Variants in VPS13B observed in about 807,000 individuals in gnomAD.
VPS13B encodes the protein vacuolar protein sorting 13 homolog B.
In VPS13B, 285 loss-of-function variants were observed where a neutral mutation model predicts 426.4. The observed-to-expected ratio is 0.67, with a 90% confidence interval of 0.61 to 0.74. The LOEUF (loss-of-function observed/expected upper bound fraction) is 0.74. Among genes scored for constraint, VPS13B ranks in the 30% least tolerant of loss-of-function variants. The probability of loss-of-function intolerance (pLI) is 0.00; values close to 1 mark genes in which losing one functional copy is unlikely to be tolerated. For synonymous variants in VPS13B, 1,676 were observed against 1,676.4 expected (o/e 1.00, Z 0.01); for missense variants, 4,537 against 4,782.6 (o/e 0.95, Z 1.51).
At chr8:99,471,280 G>C (rs1819390111) in intron 24 of VPS13B, among the ~76,000 whole-genome samples, 1 of 152,088 alleles carries the variant, frequency 6.6e-6, no homozygotes, top group African/African-American at 2.4e-5. Flanking sequence ...AAATATGTGT[G>C]ACTCTTGAAA....
chr8:99,367,850 C>T (rs948900383), intron 19 of VPS13B, among the ~76,000 whole-genome samples: 10 of 152,056 alleles, frequency 6.6e-5, no homozygotes, highest in Non-Finnish European at 1.5e-4. Context: ...GACAGGGTTT[C>T]GCCATGTTGG....
chr8:99,435,956 GA>G (rs1817348691), intron 22 of VPS13B, among the ~76,000 whole-genome samples: 1 of 152,216 alleles, frequency 6.6e-6, no homozygotes, highest in African/African-American at 2.4e-5. Flanking sequence ...GTTATCTGCA[GA>G]TGGTTTTCAA....
intron 19 of VPS13B, among the ~76,000 whole-genome samples, chr8:99,354,027 CCTT>C (rs1457171668): frequency 1.6e-4 from 25 of 151,868 alleles, no homozygotes; most frequent in Admixed American, 1.6e-3. Context: ...GTTGTATTAC[CCTT>C]CTTGTTATAA....
Position 99,384,317 on chromosome 8 carries a change from GGT to G in VPS13B, c.2934+1_2934+2del, listed in dbSNP as rs180177358. 5 of 1,609,510 alleles carry G rather than the reference GGT, an allele frequency of 3.1e-6. No homozygotes were observed. The highest frequency in any genetic ancestry group is 1.3e-5 in the African/African-American group (1 of 74,906). On this transcript the variant is annotated splice_donor_variant, in intron 20 of 61. Coordinates refer to ENST00000357162, the MANE Select transcript of VPS13B (RefSeq NM_152564.5). LOFTEE classifies it high-confidence loss of function. ...AACGAACAAGTAGACATATGCAACAGGTAAGAGATTTTTAAATAATTTTTTCT... is the reference window on the plus strand; with the variant it reads ...AACGAACAAGTAGACATATGCAACAGAAGAGATTTTTAAATAATTTTTTCT...
intron 16 of VPS13B, among the ~76,000 whole-genome samples, chr8:99,182,691 GAGA>G (rs923009229): frequency 1.3e-5 from 2 of 152,132 alleles, no homozygotes; most frequent in Admixed American, 1.3e-4. Context: ...TTCACCTGTG[GAGA>G]AGGAGTTACA....
chr8:99,808,295 C>G (rs760361572), intron 43 of VPS13B, among the ~76,000 whole-genome samples: 3 of 151,956 alleles, frequency 2.0e-5, no homozygotes, highest in Non-Finnish European at 4.4e-5. Context: ...CCGAGGCAAG[C>G]GATCTTGAGG....
Position 99,770,921 on chromosome 8 carries a change from C to T in VPS13B, c.7247+3951C>T, listed in dbSNP as rs543468420. On this transcript the variant is annotated intron_variant, in intron 40 of 61. Coordinates refer to ENST00000357162, the MANE Select transcript of VPS13B (RefSeq NM_152564.5). ...TGGCAGCTTCTTACCAGGTGACTAA[C>T]CCTGCGAGGAACAAAAGGGAAAAGG... Among the ~76,000 whole-genome samples, 30 of 152,302 alleles carry T rather than the reference C, an allele frequency of 2.0e-4. 2 individuals are homozygous for T. The highest frequency in any genetic ancestry group is 3.4e-3 in the Middle Eastern group (1 of 294).
chr8:99,497,310 T>C (rs1820975869), intron 25 of VPS13B, among the ~76,000 whole-genome samples: 1 of 145,404 alleles, frequency 6.9e-6, no homozygotes, highest in African/African-American at 2.5e-5. Flanking sequence ...ATACATAAAA[T>C]AATATGTATA....
At chr8:99,125,359 C>G (rs1410460956) in intron 8 of VPS13B, among the ~76,000 whole-genome samples, 2 of 152,200 alleles carry the variant, frequency 1.3e-5, no homozygotes. Context: ...CTAGTCCTTC[C>G]ACATTCTTCT....
chr8:99,817,816 G>T lies in VPS13B; in HGVS notation c.8361+13G>T, dbSNP rs757732868. On this transcript the variant is annotated intron_variant, in intron 45 of 61. Coordinates refer to ENST00000357162, the MANE Select transcript of VPS13B (RefSeq NM_152564.5). ...CATTGTCATTCAGGTTTGAAAAGACGTTCAATCTAGAATAGAGCAGCTTTA... is the reference window on the plus strand; with the variant it reads ...CATTGTCATTCAGGTTTGAAAAGACTTTCAATCTAGAATAGAGCAGCTTTA... 1.2e-6 allele frequency: 2 copies of T among 1,613,856 alleles called. No homozygotes were observed. The highest frequency in any genetic ancestry group is 2.7e-5 in the African/African-American group (2 of 74,906).
At chr8:99,097,613 G>A (rs1246979808) in intron 4 of VPS13B, among the ~76,000 whole-genome samples, 1 of 152,038 alleles carries the variant, frequency 6.6e-6, no homozygotes, top group Non-Finnish European at 1.5e-5. Flanking sequence ...ACATGAAACA[G>A]AGGCAAGACA....
chr8:99,031,668 T>C (rs1563494602), intron 2 of VPS13B, among the ~76,000 whole-genome samples: 1 of 152,216 alleles, frequency 6.6e-6, no homozygotes, highest in African/African-American at 2.4e-5. Flanking sequence ...GTCATCAATA[T>C]CAGCATTTTC....
intron 2 of VPS13B, among the ~76,000 whole-genome samples, chr8:99,034,293 T>C (rs1842642393): frequency 6.6e-6 from 1 of 152,232 alleles, no homozygotes; most frequent in Non-Finnish European, 1.5e-5. Context: ...TATAACTTAG[T>C]CATCAGCCAG....
rs376308074 is a variant in VPS13B at position 99,861,845 on chromosome 8, A to T, written c.11114A>T (p.Glu3705Val). ...ARNMDRLSLDEEHYNRQEEWR... is the reference protein window; with the variant it reads ...ARNMDRLSLDVEHYNRQEEWR... ...AACATGGACCGGCTCTCACTGGATGAGGAGCACTACAACCGGCAGGAGGAG... is the reference window on the plus strand; with the variant it reads ...AACATGGACCGGCTCTCACTGGATGTGGAGCACTACAACCGGCAGGAGGAG... The change falls in exon 58 of 62, where the codon GAG becomes GTG. Residue 3705 changes from glutamate (E) to valine (V), a missense_variant. Physicochemically the swap from Glu to Val is moderately radical, Grantham distance 121. Coordinates refer to ENST00000357162, the MANE Select transcript of VPS13B (RefSeq NM_152564.5). The T allele has an allele frequency of 4.9e-5, 78 of 1,601,096 alleles. No homozygotes were observed. The African/African-American group carries it at 9.7e-4, about 20-fold the overall frequency.
Position 99,465,329 on chromosome 8 carries a change from A to G in VPS13B, c.3446-2085A>G, listed in dbSNP as rs948926666. Reference sequence around the variant, plus strand: ...TTTTGTCATTGCATGTTAAAATTTCATCTTCTAGGTATAGTGTGCTTTTTA... The same window carrying G: ...TTTTGTCATTGCATGTTAAAATTTCGTCTTCTAGGTATAGTGTGCTTTTTA... On this transcript the variant is annotated intron_variant, in intron 23 of 61. Transcript: ENST00000357162. Among the ~76,000 whole-genome samples the G allele has an allele frequency of 2.6e-5, 4 of 151,752 alleles. No homozygotes were observed. In the East Asian group the frequency reaches 7.7e-4, roughly 29 times the overall value.
intron 34 of VPS13B, among the ~76,000 whole-genome samples, chr8:99,654,211 G>A (rs1023109415): frequency 2.6e-5 from 4 of 151,904 alleles, no homozygotes; most frequent in Non-Finnish European, 2.9e-5. Context: ...ACCACGCCCG[G>A]CTAATTTTTT....
At chr8:99,851,621 C>T (rs1816300026) in intron 55 of VPS13B, among the ~76,000 whole-genome samples, 1 of 152,058 alleles carries the variant, frequency 6.6e-6, no homozygotes, top group African/African-American at 2.4e-5. Context: ...GGAAGAACTT[C>T]CCAGGCAGAG....
At chr8:99,293,318 C>T (rs557680666) in intron 19 of VPS13B, among the ~76,000 whole-genome samples, 1 of 114,808 alleles carries the variant, frequency 8.7e-6, no homozygotes, top group South Asian at 3.4e-4. Context: ...ATAAATGGTG[C>T]TGGGAAAACT....
At chr8:99,639,649 T>C (rs1829222277) in intron 33 of VPS13B, among the ~76,000 whole-genome samples, 2 of 148,736 alleles carry the variant, frequency 1.3e-5, no homozygotes, top group East Asian at 3.9e-4. Flanking sequence ...AGTTATTGCA[T>C]ATATATATAT....
Sources: allele counts gnomAD v4.1 joint callset (sites outside exome capture counted in the v4.1 genomes callset), GRCh38; gene constraint gnomAD v4.1.1; transcripts MANE v1.5; gene names NCBI Gene and HGNC (gene_info 2026-07-23, HGNC 2026-07-21).